Variants in DNAH14 observed in about 807,000 individuals in gnomAD.
DNAH14 encodes the protein axonemal beta dynein heavy chain 14.
A neutral mutation model predicts 520.9 loss-of-function variants in DNAH14; 478 were observed. The ratio of observed to expected loss-of-function variants is 0.92; its 90% CI spans 0.85 to 0.99. The LOEUF (loss-of-function observed/expected upper bound fraction) is 0.99, where lower values mean the gene tolerates loss of function less well. Among genes scored for constraint, DNAH14 ranks in the 50% least tolerant of loss-of-function variants. The probability of loss-of-function intolerance (pLI) is 0.00; values close to 1 mark genes in which losing one functional copy is unlikely to be tolerated. For synonymous variants in DNAH14, 1,581 were observed against 1,757.2 expected, an observed-to-expected ratio of 0.90 and a Z score of 2.51; for missense variants, 4,831 against 5,234.5, an observed-to-expected ratio of 0.92 and a Z score of 2.38.
At chr1:225,080,233 C>G (rs955248124) in intron 18 of DNAH14, 146 bp from the exon 19 acceptor site, 1 of 825,590 alleles carries the variant, frequency 1.2e-6, no homozygotes, top group African/African-American at 1.7e-5. Flanking sequence ...TTATCTTTGT[C>G]TGGGCCAAAT....
chr1:225,178,237 A>G (rs951994174), intron 36 of DNAH14, among the ~76,000 whole-genome samples: 1 of 152,142 alleles, frequency 6.6e-6, no homozygotes, highest in Non-Finnish European at 1.5e-5. Context: ...CTGCTGGTAA[A>G]AGACATACCC....
intron 55 of DNAH14, among the ~76,000 whole-genome samples, chr1:225,294,185 T>C (rs1391851827): frequency 6.6e-6 from 1 of 152,216 alleles, no homozygotes; most frequent in South Asian, 2.1e-4. Flanking sequence ...TTTCAGCATC[T>C]ATTGAGATGA....
At chr1:225,034,596 T>C (rs939288979) in intron 11 of DNAH14, among the ~76,000 whole-genome samples, 4 of 151,500 alleles carry the variant, frequency 2.6e-5, no homozygotes, top group Admixed American at 2.0e-4. Flanking sequence ...ATAGAATGAT[T>C]TTGGGAGAGA....
intron 68 of DNAH14, 113 bp from the exon 69 acceptor site, chr1:225,340,344 C>A: frequency 8.7e-7 from 1 of 1,146,106 alleles, no homozygotes; most frequent in Non-Finnish European, 1.2e-6. Flanking sequence ...AGCTGAAAAA[C>A]ACTAAAAATC....
chr1:225,070,761 G>C (rs968708565), intron 17 of DNAH14, among the ~76,000 whole-genome samples: 1 of 152,090 alleles, frequency 6.6e-6, no homozygotes, highest in African/African-American at 2.4e-5. Flanking sequence ...GAATATCTTT[G>C]TTAACTTTCT....
chr1:225,373,344 A>G (rs557376568), intron 77 of DNAH14, among the ~76,000 whole-genome samples: 1 of 152,276 alleles, frequency 6.6e-6, no homozygotes, highest in South Asian at 2.1e-4. Flanking sequence ...GCGCGCCTGT[A>G]GTCCCAGCTA....
intron 71 of DNAH14, among the ~76,000 whole-genome samples, chr1:225,350,865 G>T (rs67920261): frequency 0.091 from 13,873 of 152,088 alleles, 800 homozygotes; most frequent in East Asian, 0.26. Context: ...TGAAGAGACA[G>T]AAACACTTCC....
At chr1:225,190,555 G>A (rs1201868386) in intron 37 of DNAH14, among the ~76,000 whole-genome samples, 3 of 152,088 alleles carry the variant, frequency 2.0e-5, no homozygotes, top group African/African-American at 4.8e-5. Flanking sequence ...CTATAGAAAA[G>A]GGAGGATTAC....
chr1:225,362,064 G>A (rs923477440), intron 75 of DNAH14, among the ~76,000 whole-genome samples: 5 of 152,160 alleles, frequency 3.3e-5, no homozygotes, highest in African/African-American at 9.7e-5. Context: ...CAAGTATTGT[G>A]CTAGGCACAG....
intron 58 of DNAH14, among the ~76,000 whole-genome samples, chr1:225,305,528 G>T (rs748328803): frequency 1.3e-5 from 2 of 152,130 alleles, no homozygotes; most frequent in African/African-American, 2.4e-5. Flanking sequence ...GAAGCAGAAG[G>T]CCTCACCCCT....
At chr1:225,203,288 G>C (rs1273655933) in intron 38 of DNAH14, among the ~76,000 whole-genome samples, 1 of 152,168 alleles carries the variant, frequency 6.6e-6, no homozygotes, top group Non-Finnish European at 1.5e-5. Context: ...GCATAATGAT[G>C]TATATCCAAG....
At chr1:224,967,713 T>C in intron 6 of DNAH14, 130 bp downstream of exon 6, 2 of 1,589,034 alleles carry the variant, frequency 1.3e-6, no homozygotes. Context: ...AGTTTATATA[T>C]AAGAATCTCC....
At position 225,324,792 on chromosome 1, in the gene DNAH14, C is replaced by T. The variant is rs145100008; in HGVS notation, c.9683C>T (p.Ala3228Val). ...VAEAQNVLKI[A>V]RQRLAEKQRG... ...GAAGCTCAAAACGTCCTTAAAATTG[C>T]GCGACAAAGACTTGCTGAGAAACAA... The change falls in exon 64 of 86, where the codon GCG becomes GTG. Residue 3228 changes from alanine (A) to valine (V), a missense_variant. Coordinates refer to ENST00000682510, the MANE Select transcript of DNAH14 (RefSeq NM_001367479.1). The T allele has an allele frequency of 9.7e-6, 15 of 1,551,276 alleles. No individual in the cohort carries two copies. Among genetic ancestry groups the T allele is most frequent in the African/African-American group, 9.6e-5 (7 of 73,094 alleles).
intron 25 of DNAH14, among the ~76,000 whole-genome samples, chr1:225,118,873 ACT>A (rs561648401): frequency 7.4e-6 from 1 of 135,224 alleles, no homozygotes; most frequent in Non-Finnish European, 1.5e-5. Context: ...ACAGAACGAG[ACT>A]CTCTCTGTCT....
At chr1:225,362,912 CAG>C (rs899945574) in intron 75 of DNAH14, among the ~76,000 whole-genome samples, 19 of 152,014 alleles carry the variant, frequency 1.2e-4, no homozygotes, top group Admixed American at 1.2e-3. Flanking sequence ...AAATGAGAGA[CAG>C]AGAGAGGCAG....
At chr1:225,245,544 C>T (rs2092233167) in intron 43 of DNAH14, among the ~76,000 whole-genome samples, 1 of 151,856 alleles carries the variant, frequency 6.6e-6, no homozygotes, top group African/African-American at 2.4e-5. Context: ...TCCTATACAC[C>T]AATATAGGCA....
intron 10 of DNAH14, among the ~76,000 whole-genome samples, chr1:225,015,571 C>T (rs1001321280): frequency 7.9e-5 from 12 of 152,072 alleles, no homozygotes; most frequent in Middle Eastern, 3.2e-3. Context: ...CTAGAGGTGA[C>T]GAACTTATTC....
At chr1:225,060,325 A>G (rs1312643011) in intron 17 of DNAH14, among the ~76,000 whole-genome samples, 1 of 152,042 alleles carries the variant, frequency 6.6e-6, no homozygotes, top group East Asian at 1.9e-4. Flanking sequence ...AGGCTTGTGC[A>G]TTCGTCACAT....
intron 10 of DNAH14, among the ~76,000 whole-genome samples, chr1:225,020,302 G>A (rs2065563022): frequency 6.6e-6 from 1 of 151,850 alleles, no homozygotes; most frequent in Admixed American, 6.6e-5. Flanking sequence ...TTTGAGACCA[G>A]CCTGGCCAAC....
Sources: allele counts gnomAD v4.1 joint callset (sites outside exome capture counted in the v4.1 genomes callset), GRCh38; gene constraint gnomAD v4.1.1; transcripts MANE v1.5; gene names NCBI Gene and HGNC (gene_info 2026-07-23, HGNC 2026-07-21).